The following LRRTM4 variants were observed in gnomAD, a reference collection of about 807,000 sequenced individuals.
The protein encoded by LRRTM4 is leucine rich repeat transmembrane neuronal 4.
Under a neutral mutation model 47.6 loss-of-function variants are expected in LRRTM4, and 25 were observed. That is an observed-to-expected ratio of 0.53 (90% CI 0.38 to 0.73). The LOEUF (loss-of-function observed/expected upper bound fraction) is 0.73. Ranked by LOEUF, LRRTM4 falls within the 30% of genes least tolerant of loss-of-function variation. The probability of loss-of-function intolerance (pLI) is 0.00; values close to 1 mark genes in which losing one functional copy is unlikely to be tolerated. For missense variants in LRRTM4, 638 were observed against 713.4 expected, an observed-to-expected ratio of 0.89 and a Z score of 1.20; for synonymous variants, 311 against 269.5, an observed-to-expected ratio of 1.15 and a Z score of -1.51.
At chr2:77,157,792 G>A (rs934450790) in intron 3 of LRRTM4, among the ~76,000 whole-genome samples, 3 of 152,100 alleles carry the variant, frequency 2.0e-5, no homozygotes, top group Non-Finnish European at 2.9e-5. Flanking sequence ...AGTGTGATCA[G>A]GACTCTAGAT....
intron 3 of LRRTM4, among the ~76,000 whole-genome samples, chr2:77,365,885 AT>A (rs1672424510): frequency 6.7e-6 from 1 of 148,366 alleles, no homozygotes; most frequent in South Asian, 2.1e-4. Flanking sequence ...GGATTGTGAA[AT>A]TTTTAATATT....
At chr2:77,297,676 T>A (rs1284495950) in intron 3 of LRRTM4, among the ~76,000 whole-genome samples, 2 of 152,216 alleles carry the variant, frequency 1.3e-5, no homozygotes, top group Non-Finnish European at 2.9e-5. Flanking sequence ...CTCTCTATGC[T>A]GTCCCTATGG....
At chr2:77,428,505 G>A (rs938779113) in intron 3 of LRRTM4, among the ~76,000 whole-genome samples, 1 of 152,134 alleles carries the variant, frequency 6.6e-6, no homozygotes, top group Non-Finnish European at 1.5e-5. Context: ...TTTTATATTT[G>A]AGAATCACTC....
intron 3 of LRRTM4, among the ~76,000 whole-genome samples, chr2:77,332,416 T>C (rs1221993863): frequency 1.3e-5 from 2 of 152,178 alleles, no homozygotes; most frequent in African/African-American, 4.8e-5. Context: ...CCTTCCTCTA[T>C]AATTATAAAC....
At chr2:76,893,446 A>G (rs1165351056) in intron 3 of LRRTM4, among the ~76,000 whole-genome samples, 2 of 151,734 alleles carry the variant, frequency 1.3e-5, no homozygotes, top group Admixed American at 6.6e-5. Context: ...AACTAAATAA[A>G]TAATAAATAA....
intron 3 of LRRTM4, among the ~76,000 whole-genome samples, chr2:76,888,505 T>A (rs1044039029): frequency 6.6e-6 from 1 of 151,814 alleles, no homozygotes; most frequent in South Asian, 2.1e-4. Context: ...AAATACAATA[T>A]GTATACACAT....
intron 3 of LRRTM4, among the ~76,000 whole-genome samples, chr2:77,409,475 C>A (rs115465803): frequency 1.2e-3 from 188 of 152,262 alleles, no homozygotes; most frequent in African/African-American, 4.3e-3. Context: ...GCCTTCATGG[C>A]CTAGTCACCT....
chr2:76,778,546 G>C (rs528407993), intron 3 of LRRTM4, among the ~76,000 whole-genome samples: 1,530 of 151,196 alleles, frequency 0.01, 28 homozygotes, highest in African/African-American at 0.036. Flanking sequence ...GTTTATTTGC[G>C]TAGAGGTGTT....
chr2:77,490,016 G>A (rs1678073854), intron 3 of LRRTM4, among the ~76,000 whole-genome samples: 1 of 152,160 alleles, frequency 6.6e-6, no homozygotes, highest in Non-Finnish European at 1.5e-5. Context: ...TTGGGAGGCC[G>A]AAGTGGGCAG....
chr2:77,505,079 T>G (rs746467340), intron 3 of LRRTM4, among the ~76,000 whole-genome samples: 30 of 151,272 alleles, frequency 2.0e-4, no homozygotes, highest in Non-Finnish European at 3.9e-4. Flanking sequence ...AATATTAAGA[T>G]CTCTTTTTAT....
intron 3 of LRRTM4, among the ~76,000 whole-genome samples, chr2:76,960,916 T>C (rs1457339138): frequency 6.6e-6 from 1 of 151,542 alleles, no homozygotes; most frequent in Non-Finnish European, 1.5e-5. Flanking sequence ...ATAATGACTA[T>C]GTATAATACA....
intron 3 of LRRTM4, among the ~76,000 whole-genome samples, chr2:76,883,654 A>G (rs1356139354): frequency 6.6e-6 from 1 of 151,984 alleles, no homozygotes; most frequent in Non-Finnish European, 1.5e-5. Context: ...CCTGACCCCC[A>G]CTGTTTCTCG....
chr2:77,212,498 G>C (rs1026862505), intron 3 of LRRTM4, among the ~76,000 whole-genome samples: 1 of 149,262 alleles, frequency 6.7e-6, no homozygotes, highest in East Asian at 1.9e-4. Flanking sequence ...GAGAGAGCGA[G>C]AGAGTTAATC....
At chr2:77,296,993 C>T (rs1676991674) in intron 3 of LRRTM4, among the ~76,000 whole-genome samples, 1 of 152,140 alleles carries the variant, frequency 6.6e-6, no homozygotes. Flanking sequence ...CCCTAAAGCT[C>T]GACTCTCATC....
At chr2:77,442,255 T>C (rs893095584) in intron 3 of LRRTM4, among the ~76,000 whole-genome samples, 1 of 152,166 alleles carries the variant, frequency 6.6e-6, no homozygotes, top group African/African-American at 2.4e-5. Flanking sequence ...TGTAAAAATA[T>C]TATGCTATTG....
intron 3 of LRRTM4, among the ~76,000 whole-genome samples, chr2:76,763,563 T>C (rs1382303755): frequency 6.6e-6 from 1 of 152,204 alleles, no homozygotes; most frequent in Non-Finnish European, 1.5e-5. Context: ...ATTTATGTTG[T>C]TTAAGCCACC....
At chr2:76,777,273 T>C (rs1301916505) in intron 3 of LRRTM4, among the ~76,000 whole-genome samples, 3 of 146,780 alleles carry the variant, frequency 2.0e-5, no homozygotes, top group African/African-American at 7.5e-5. Flanking sequence ...AACTTTAAAG[T>C]AGTTTTTTCC....
rs904567031 is a variant in LRRTM4 at position 77,067,712 on chromosome 2, CACACAT to C, written c.1552-318802_1552-318797del. ...ACACACACACACACACACACACACACACACATACATATTTCAGGAAAAATGAAGAAA... is the reference window on the plus strand; with the variant it reads ...ACACACACACACACACACACACACACACATATTTCAGGAAAAATGAAGAAA... On this transcript the variant is annotated intron_variant, in intron 3 of 3. Transcript: ENST00000409884. Among the ~76,000 whole-genome samples the C allele has an allele frequency of 9.9e-5, 15 of 151,398 alleles. 1 individual carries two copies. Among genetic ancestry groups the C allele is most frequent in the African/African-American group, 2.9e-4 (12 of 41,190 alleles).
At chr2:77,066,710 T>A (rs1355332135) in intron 3 of LRRTM4, among the ~76,000 whole-genome samples, 1 of 152,178 alleles carries the variant, frequency 6.6e-6, no homozygotes, top group African/African-American at 2.4e-5. Context: ...CATATGTACC[T>A]GTATATTTTT....
Sources: allele counts gnomAD v4.1 joint callset (sites outside exome capture counted in the v4.1 genomes callset), GRCh38; gene constraint gnomAD v4.1.1; transcripts MANE v1.5; gene names NCBI Gene and HGNC (gene_info 2026-07-23, HGNC 2026-07-21).